Variants in L3MBTL3 observed in about 807,000 individuals in gnomAD.
L3MBTL3 encodes lethal(3)malignant brain tumor-like protein 3.
L3MBTL3 carries 27 observed loss-of-function variants against 102.3 expected under a neutral mutation model. The ratio of observed to expected loss-of-function variants is 0.26; its 90% CI spans 0.19 to 0.36. The LOEUF (loss-of-function observed/expected upper bound fraction) is 0.36. L3MBTL3 is among the 10% of genes least tolerant of loss of function. The pLI is 1.00. For synonymous variants in L3MBTL3, 340 were observed against 320.9 expected (o/e 1.06, Z -0.64); for missense variants, 798 against 955.3 (o/e 0.84, Z 2.17).
chr6:130,105,893 A>G (rs901891838), intron 19 of L3MBTL3, among the ~76,000 whole-genome samples: 3 of 152,158 alleles, frequency 2.0e-5, no homozygotes, highest in Non-Finnish European at 4.4e-5. Flanking sequence ...CAGAGCAAAG[A>G]AGTGGTTAGT....
intron 16 of L3MBTL3, among the ~76,000 whole-genome samples, chr6:130,087,259 A>G (rs1783744704): frequency 6.6e-6 from 1 of 152,190 alleles, no homozygotes. Context: ...TGTTAAGATT[A>G]TAGAATCATG....
intron 19 of L3MBTL3, among the ~76,000 whole-genome samples, chr6:130,117,558 G>A (rs544696486): frequency 6.6e-6 from 1 of 152,230 alleles, no homozygotes; most frequent in East Asian, 1.9e-4. Context: ...ATTTTGCTTA[G>A]GAAGTTGAAA....
At chr6:130,062,545 G>T (rs1781962769) in intron 10 of L3MBTL3, among the ~76,000 whole-genome samples, 1 of 145,510 alleles carries the variant, frequency 6.9e-6, no homozygotes, top group Non-Finnish European at 1.5e-5. Flanking sequence ...ACCACCTGAT[G>T]CCCAGCTAAA....
At chr6:130,135,022 A>T (rs1787475172) in intron 22 of L3MBTL3, among the ~76,000 whole-genome samples, 2 of 112,514 alleles carry the variant, frequency 1.8e-5, no homozygotes, top group South Asian at 5.6e-4. Context: ...TCTTTCCCTA[A>T]GTCCTGAGTG....
intron 14 of L3MBTL3, among the ~76,000 whole-genome samples, chr6:130,080,107 A>C (rs923367366): frequency 1.2e-4 from 18 of 151,974 alleles, no homozygotes; most frequent in African/African-American, 4.1e-4. Flanking sequence ...ATTTTAAGTC[A>C]GCCAGGTGAG....
At chr6:130,080,699 T>C (rs1262473570) in intron 14 of L3MBTL3, among the ~76,000 whole-genome samples, 2 of 152,170 alleles carry the variant, frequency 1.3e-5, no homozygotes, top group African/African-American at 4.8e-5. Flanking sequence ...ATTTTAAAAA[T>C]TCAAAATTGC....
chr6:130,078,275 A>G (rs1240863083), intron 13 of L3MBTL3, among the ~76,000 whole-genome samples: 1 of 152,156 alleles, frequency 6.6e-6, no homozygotes, highest in East Asian at 1.9e-4. Context: ...TAATGATATT[A>G]TGTTTGCATT....
rs141121907 is a variant in L3MBTL3, at chr6:130,133,978, G to A, written c.2199+73G>A. 1.0e-3 allele frequency: 1,233 copies of A among 1,215,572 alleles called. 11 individuals carry two copies. In the African/African-American group the frequency reaches 0.016, roughly 15 times the overall value. 75.3% of individuals were successfully genotyped at this position (1,215,572 alleles called of 1,614,324 possible). Reference sequence around the variant, plus strand: ...ACTGAAATGCAGTGGAAGGTGAAATGTGTGGAATTGGCAGAGTCAAAAAGA... The same window carrying A: ...ACTGAAATGCAGTGGAAGGTGAAATATGTGGAATTGGCAGAGTCAAAAAGA... On this transcript the variant is annotated intron_variant, in intron 22 of 22. Transcript: ENST00000361794. The surrounding 1 kb of genome is among the most constrained non-coding windows in gnomAD (Gnocchi z 4.9).
Position 130,140,778 on chromosome 6 carries a change from G to A in L3MBTL3, c.*1025G>A, listed in dbSNP as rs550644593. On this transcript the variant is annotated 3_prime_UTR_variant, in exon 23 of 23. Transcript: ENST00000361794. ...CCTCCAAACCCAAAGGTTTTTTTCA[G>A]GGTTGGCTAGAGAGCGAGTATTGTG... is the stretch of plus-strand genomic sequence containing the variant. The A allele has an allele frequency of 2.0e-5, 3 of 152,324 alleles. No homozygotes were observed. The East Asian group carries it at 5.8e-4, about 29-fold the overall frequency. 9.4% of individuals were successfully genotyped at this position (152,324 alleles called of 1,614,324 possible).
chr6:130,039,850 A>T (rs887635653), intron 2 of L3MBTL3, among the ~76,000 whole-genome samples: 1 of 152,182 alleles, frequency 6.6e-6, no homozygotes, highest in African/African-American at 2.4e-5. Flanking sequence ...ATCTGGTTTC[A>T]TGCATGTATG....
intron 12 of L3MBTL3, among the ~76,000 whole-genome samples, chr6:130,070,029 G>A (rs906847014): frequency 5.9e-5 from 9 of 152,178 alleles, no homozygotes; most frequent in Non-Finnish European, 7.3e-5. Flanking sequence ...AGTAAAATGA[G>A]AGATAGCATT....
At chr6:130,093,424 T>C (rs1006143577) in intron 17 of L3MBTL3, among the ~76,000 whole-genome samples, 1 of 152,178 alleles carries the variant, frequency 6.6e-6, no homozygotes, top group African/African-American at 2.4e-5. Context: ...AATAAATTAT[T>C]ATCAAGTTTT....
chr6:130,021,318 G>A (rs1408070638), intron 1 of L3MBTL3, among the ~76,000 whole-genome samples: 1 of 152,210 alleles, frequency 6.6e-6, no homozygotes. Context: ...GAAGTAATTA[G>A]AGGACCTGAG....
chr6:130,049,687 T>C, intron 4 of L3MBTL3, 69 bp from the exon 5 acceptor site: 2 of 1,602,406 alleles, frequency 1.2e-6, no homozygotes, highest in Non-Finnish European at 1.7e-6. Flanking sequence ...CTGCCACTTT[T>C]TTTCTCATCT....
At chr6:130,136,580 C>T (rs1302082605) in intron 22 of L3MBTL3, among the ~76,000 whole-genome samples, 1 of 152,008 alleles carries the variant, frequency 6.6e-6, no homozygotes, top group Non-Finnish European at 1.5e-5. Context: ...TCCTGCTGCC[C>T]ATTCATCTTC....
At chr6:130,043,739 T>C (rs1184580042) in intron 3 of L3MBTL3, among the ~76,000 whole-genome samples, 1 of 152,230 alleles carries the variant, frequency 6.6e-6, no homozygotes, top group Non-Finnish European at 1.5e-5. Context: ...TCCCTTTTAG[T>C]GGCTGCTTGA....
chr6:130,050,797 A>G (rs1781046968), intron 5 of L3MBTL3, among the ~76,000 whole-genome samples: 1 of 152,246 alleles, frequency 6.6e-6, no homozygotes, highest in Non-Finnish European at 1.5e-5. Flanking sequence ...CAGGAAATGT[A>G]CTACATTGAA....
chr6:130,134,942 T>A (rs997830011), intron 22 of L3MBTL3, among the ~76,000 whole-genome samples: 1 of 152,224 alleles, frequency 6.6e-6, no homozygotes, highest in Non-Finnish European at 1.5e-5. Context: ...CTTTTTCTGA[T>A]TTATGTTCTT....
At chr6:130,044,597 AT>A (rs1780616416) in intron 3 of L3MBTL3, among the ~76,000 whole-genome samples, 1 of 152,170 alleles carries the variant, frequency 6.6e-6, no homozygotes, top group Non-Finnish European at 1.5e-5. Context: ...CATCTGAGTT[AT>A]TTGATAATGA....
Sources: allele counts gnomAD v4.1 joint callset (sites outside exome capture counted in the v4.1 genomes callset), GRCh38; gene constraint gnomAD v4.1.1; non-coding constraint Gnocchi (gnomAD v3.1); transcripts MANE v1.5; gene names NCBI Gene and HGNC (gene_info 2026-07-23, HGNC 2026-07-21).